Variants in PKMYT1 observed in about 807,000 individuals in gnomAD.
PKMYT1 encodes protein kinase, membrane associated tyrosine/threonine 1.
A neutral mutation model predicts 49.7 loss-of-function variants in PKMYT1; 35 were observed. The ratio of observed to expected loss-of-function variants is 0.70; its 90% CI spans 0.54 to 0.93. The LOEUF is 0.93. PKMYT1 is among the 40% of genes least tolerant of loss of function. The pLI, the probability that PKMYT1 is intolerant of heterozygous loss-of-function variation, is 0.00. For synonymous variants in PKMYT1, 331 were observed against 287.6 expected, an observed-to-expected ratio of 1.15 and a Z score of -1.53; for missense variants, 677 against 673.1, an observed-to-expected ratio of 1.01 and a Z score of -0.06.
intron 2 of PKMYT1, chr16:2,977,474 C>T (rs2072230656): frequency 1.1e-5 from 11 of 995,408 alleles, no homozygotes; most frequent in Non-Finnish European, 1.3e-5. Flanking sequence ...CTTTCTTTTT[C>T]ATAACTGTCG....
Position 2,975,731 on chromosome 16 carries a change from T to C in PKMYT1, c.460A>G (p.Lys154Glu). ...PFRGPKDRAR[K>E]LAEVGSHEKV... ...TCGTGGCTGCCCACCTCGGCCAACTTGCGGGCCCGGTCCTTGGGGCCCCGG... is the reference window on the plus strand; with the variant it reads ...TCGTGGCTGCCCACCTCGGCCAACTCGCGGGCCCGGTCCTTGGGGCCCCGG... The change falls in exon 4 of 9, where the codon AAG becomes GAG. Residue 154 changes from lysine to glutamate, a missense_variant. Physicochemically the swap from Lys to Glu is moderately conservative, Grantham distance 56 (BLOSUM62 1). Transcript: ENST00000262300. The C allele has an allele frequency of 6.2e-7, 1 of 1,603,966 alleles. No individual in the cohort carries two copies. The highest frequency in any genetic ancestry group is 8.5e-7 in the Non-Finnish European group (1 of 1,179,884).
chr16:2,973,842 C>G, intron 7 of PKMYT1, 158 bp downstream of exon 7: 1 of 821,888 alleles, frequency 1.2e-6, no homozygotes, highest in Admixed American at 2.6e-5. Context: ...TGCATTAAGC[C>G]TGGCCAGGCC....
chr16:2,976,897 G>A lies in PKMYT1; in HGVS notation c.145C>T (p.Arg49Trp), dbSNP rs375676053. The change falls in exon 3 of 9, where the codon CGG becomes TGG. Residue 49 changes from arginine to tryptophan, a missense_variant. Physicochemically the swap from Arg to Trp is moderately radical, Grantham distance 101 (BLOSUM62 -3). Coordinates refer to ENST00000262300, the MANE Select transcript of PKMYT1 (RefSeq NM_004203.5). ...FSLKRPRGLS[R>W]SLPPPPPAKG... ...GCAGGGGGCGGAGGTGGGAGGCTCC[G>A]GCTGAGCCCCCTGGGCCTCTTGAGG... 36 of 1,538,014 alleles carry A rather than the reference G, an allele frequency of 2.3e-5. No individual in the cohort carries two copies. The highest frequency in any genetic ancestry group is 1.7e-4 in the Middle Eastern group (1 of 5,940).
At chr16:2,977,388 A>G (rs886413035) in intron 2 of PKMYT1, 1 of 978,130 alleles carries the variant, frequency 1.0e-6, no homozygotes. Context: ...AAACTACACA[A>G]CCTCTTCCGA....
rs768670303 is a variant in PKMYT1 at position 2,975,689 on chromosome 16, G to A, written c.502C>T (p.Pro168Ser). Residue 168 changes from proline to serine, a missense_variant, in exon 4 of 9, where the codon CCA becomes TCA. By Grantham distance (74) the Pro-to-Ser change is moderately conservative. Transcript: ENST00000262300. ...GCCTGCTCCAGCCGCACGCAGCATG[G>A]GTGCTGCCCCACCTTCTCGTGGCTG... ...VGSHEKVGQH[P>S]CCVRLEQAWE... is the part of the protein sequence containing the mutation. The A allele has an allele frequency of 1.2e-6, 2 of 1,609,752 alleles. No individual in the cohort carries two copies. Among genetic ancestry groups the A allele is most frequent in the East Asian group, 2.2e-5 (1 of 44,872 alleles).
At chr16:2,973,453 G>A in intron 7 of PKMYT1, 6 of 1,519,584 alleles carry the variant, frequency 3.9e-6, no homozygotes, top group South Asian at 1.2e-5. Flanking sequence ...GGACTTGGAG[G>A]CAGATTTGAA....
Position 2,974,011 on chromosome 16 carries a change from G to T in PKMYT1, c.1299C>A (p.Asp433Glu), listed in dbSNP as rs148509820. ...GCACTTGAACCCACCCTAGGCTGTC[G>T]TCATCCCAGTTGCTGGAGAGGCTGC... Reference protein sequence around the residue: ...LDSSLSSNWDDDSLGPSLSPE... With the variant: ...LDSSLSSNWDEDSLGPSLSPE... Residue 433 changes from aspartate to glutamate, a missense_variant, in exon 7 of 9, where the codon GAC (aspartate) becomes GAA (glutamate). Asp to Glu is a conservative substitution (Grantham distance 45). Transcript: ENST00000262300. The T allele has an allele frequency of 1.9e-6, 3 of 1,612,640 alleles. No homozygotes were observed. The East Asian group carries it at 6.7e-5, about 36-fold the overall frequency.
chr16:2,973,562 CAG>C, intron 7 of PKMYT1: 1 of 788,932 alleles, frequency 1.3e-6, no homozygotes, highest in Non-Finnish European at 1.9e-6. Flanking sequence ...GGGCTAACGG[CAG>C]AGTCCCCAAG....
At position 2,974,318 on chromosome 16, in the gene PKMYT1, C is replaced by G; in HGVS notation, c.1079G>C (p.Arg360Thr). ...AEALLALPVLRQPRAWGVLWC... is the reference protein window; with the variant it reads ...AEALLALPVLTQPRAWGVLWC... Reference sequence around the variant, plus strand: ...CAGCACACCCCAGGCCCGCGGCTGCCTCAACACAGGCAGTGCCAGCAGGGC... The same window carrying G: ...CAGCACACCCCAGGCCCGCGGCTGCGTCAACACAGGCAGTGCCAGCAGGGC... Residue 360 changes from arginine to threonine, a missense_variant, in exon 6 of 9, where the codon AGG (arginine) becomes ACG (threonine). Arg to Thr is a moderately conservative substitution (Grantham distance 71, BLOSUM62 -1). Transcript: ENST00000262300. 6.2e-7 allele frequency: 1 copy of G among 1,603,010 alleles called. No individual in the cohort carries two copies. The highest frequency in any genetic ancestry group is 1.1e-5 in the South Asian group (1 of 89,544).
intron 2 of PKMYT1, 188 bp downstream of exon 2, chr16:2,979,460 A>C: frequency 1.7e-6 from 1 of 605,298 alleles, no homozygotes; most frequent in Non-Finnish European, 3.0e-6. Flanking sequence ...TCTTGTGGAG[A>C]CTCTTCCTCT....
rs4149788 is a variant in PKMYT1 at position 2,976,679 on chromosome 16, G to A, written c.363C>T (p.Tyr121=). 566 of 1,482,686 alleles carry A rather than the reference G, an allele frequency of 3.8e-4. 4 individuals are homozygous for A. In the South Asian group the frequency reaches 7.3e-3, roughly 19 times the overall value. 91.8% of individuals were successfully genotyped at this position (1,482,686 alleles called of 1,614,324 possible). ...CCTCACTCACCTTGAAGACCTCTCCGTAGGAGCCATGGCCCAGGCGGCTGA... is the reference window on the plus strand; with the variant it reads ...CCTCACTCACCTTGAAGACCTCTCCATAGGAGCCATGGCCCAGGCGGCTGA... ...QRLSRLGHGS[Y]GEVFKVRSKE... is the part of the protein sequence containing the mutation. Residue 121 remains tyrosine, a synonymous_variant, in exon 3 of 9, where the codon TAC becomes TAT. Coordinates refer to ENST00000262300, the MANE Select transcript of PKMYT1 (RefSeq NM_004203.5).
At chr16:2,978,458 T>C (rs925251407) in intron 2 of PKMYT1, among the ~76,000 whole-genome samples, 3 of 152,078 alleles carry the variant, frequency 2.0e-5, no homozygotes, top group Admixed American at 6.5e-5. Context: ...TCAAAATTAA[T>C]TGGATCTGGC....
Position 2,972,982 on chromosome 16 carries a change from G to A in PKMYT1, c.1471C>T (p.Leu491=). ...PSFEPRNLLS[L]FEDTLDPT Reference sequence around the variant, plus strand: ...GTTGGGTCTAGGGTGTCCTCAAACAGGCTGAGGAGGTTCCGAGGCTCAAAG... The same window carrying A: ...GTTGGGTCTAGGGTGTCCTCAAACAAGCTGAGGAGGTTCCGAGGCTCAAAG... Residue 491 remains leucine (L), a synonymous_variant, in exon 9 of 9, where the codon CTG becomes TTG. Coordinates refer to ENST00000262300, the MANE Select transcript of PKMYT1 (RefSeq NM_004203.5). 6.2e-7 allele frequency: 1 copy of A among 1,609,988 alleles called. No homozygotes were observed. The highest frequency in any genetic ancestry group is 8.5e-7 in the Non-Finnish European group (1 of 1,179,074).
chr16:2,974,276 T>A lies in PKMYT1; in HGVS notation c.1121A>T (p.Glu374Val), dbSNP rs897804290. ...CAGGGCCCACCCTCGGCTCAGGGCC[T>A]CCGCTGCCATGCACCACAGCACACC... Reference protein sequence around the residue: ...AWGVLWCMAAEALSRGWALWQ... With the variant: ...AWGVLWCMAAVALSRGWALWQ... Residue 374 changes from glutamate (E) to valine (V), a missense_variant, in exon 6 of 9, where the codon GAG becomes GTG. Coordinates refer to ENST00000262300, the MANE Select transcript of PKMYT1 (RefSeq NM_004203.5). The A allele has an allele frequency of 6.4e-7, 1 of 1,574,796 alleles. No individual in the cohort carries two copies. Among genetic ancestry groups the A allele is most frequent in the Non-Finnish European group, 8.6e-7 (1 of 1,160,904 alleles).
At chr16:2,977,806 A>G (rs2072239563) in intron 2 of PKMYT1, among the ~76,000 whole-genome samples, 1 of 152,180 alleles carries the variant, frequency 6.6e-6, no homozygotes, top group Admixed American at 6.5e-5. Context: ...CTCCCCGTCA[A>G]GGGTTAGGGT....
chr16:2,979,628 G>A lies in PKMYT1; in HGVS notation c.10+20C>T. 23 of 1,604,030 alleles carry A rather than the reference G, an allele frequency of 1.4e-5. No individual in the cohort carries two copies. The highest frequency in any genetic ancestry group is 2.0e-5 in the Non-Finnish European group (23 of 1,170,814). On this transcript the variant is annotated intron_variant, in intron 2 of 8. Transcript: ENST00000262300. ...TGCATCTTAACCCAGTTCTCCCACC[G>A]TCCCTGCCCTACGACTTACGTTCTA...
rs1280568607 is a variant in PKMYT1, at chr16:2,972,822, G to A, written c.*131C>T. On this transcript the variant is annotated 3_prime_UTR_variant, in exon 9 of 9. Coordinates refer to ENST00000262300, the MANE Select transcript of PKMYT1 (RefSeq NM_004203.5). ...CATGAGCAAGCTTGGGTGCTCCCAA[G>A]GTTCAAATACTTTTTATTAGACACG... 4.6e-6 allele frequency: 7 copies of A among 1,537,306 alleles called. 1 individual carries two copies. The highest frequency in any genetic ancestry group is 2.4e-5 in the South Asian group (2 of 83,618).
At position 2,975,326 on chromosome 16, in the gene PKMYT1, C is replaced by T. The variant is rs1361801387; in HGVS notation, c.865G>A (p.Val289Met). The T allele has an allele frequency of 1.9e-6, 3 of 1,611,482 alleles. No individual in the cohort carries two copies. The highest frequency in any genetic ancestry group is 2.5e-6 in the Non-Finnish European group (3 of 1,179,158). ...LQGSYGTAAD[V>M]FSLGLTILEV... ...GCGTGCCCCGGTCCCCACCTGAACA[C>T]ATCCGCTGCTGTCCCATAGGAGCCC... is the stretch of plus-strand genomic sequence containing the variant. The change falls in exon 4 of 9, where the codon GTG becomes ATG. Residue 289 changes from valine (V) to methionine (M), a missense_variant. Physicochemically the swap from Val to Met is conservative, Grantham distance 21 (BLOSUM62 1). Transcript: ENST00000262300.
At position 2,978,762 on chromosome 16, in the gene PKMYT1, AT is replaced by A. The variant is rs1252231701; in HGVS notation, c.10+885del. ...GACTCTGTCTCAAAAAAAAAAAAAA[AT>A]TTAATTGGATTGGACCGTGGAACAC... On this transcript the variant is annotated intron_variant, in intron 2 of 8. Coordinates refer to ENST00000262300, the MANE Select transcript of PKMYT1 (RefSeq NM_004203.5). 2.2e-5 allele frequency among the ~76,000 whole-genome samples: 3 copies of A among 136,692 alleles called. No individual in the cohort carries two copies. The Admixed American group carries it at 2.3e-4, about 10-fold the overall frequency. 89.7% of individuals were successfully genotyped at this position (136,692 alleles called of 152,430 possible).
Sources: allele counts gnomAD v4.1 joint callset (sites outside exome capture counted in the v4.1 genomes callset), GRCh38; gene constraint gnomAD v4.1.1; transcripts MANE v1.5; gene names NCBI Gene and HGNC (gene_info 2026-07-23, HGNC 2026-07-21).